MREG: variants seen among roughly 807,000 people sequenced by gnomAD.
The protein encoded by MREG is melanoregulin, also known as dilute suppressor protein homolog.
In MREG, 31 loss-of-function variants were observed where a neutral mutation model predicts 28.5. The observed-to-expected ratio is 1.09, with a 90% confidence interval of 0.82 to 1.47. The LOEUF (loss-of-function observed/expected upper bound fraction) is 1.47. Among genes scored for constraint, MREG ranks in the 40% most tolerant of loss-of-function variants. The pLI is 0.00. For missense variants in MREG, 256 were observed against 257.4 expected (o/e 0.99, Z 0.04); for synonymous variants, 106 against 95.2 (o/e 1.11, Z -0.66).
At chr2:216,015,518 G>A (rs1205178880), upstream of MREG, among the ~76,000 whole-genome samples, 2 of 152,178 alleles carry the variant, frequency 1.3e-5, no homozygotes, top group African/African-American at 4.8e-5. Context: ...TCTGGATTTT[G>A]CTCCACATGA....
intron 2 of MREG, among the ~76,000 whole-genome samples, chr2:215,971,652 A>C (rs1436132228): frequency 6.6e-6 from 1 of 152,234 alleles, no homozygotes; most frequent in East Asian, 1.9e-4. Context: ...ATAAGGTAGA[A>C]TATCCTGGAC....
rs1371742409 is a variant in MREG at position 216,031,681 on chromosome 2, A to AAG, written c.-68+1106_-68+1107dup. Among the ~76,000 whole-genome samples the AAG allele has an allele frequency of 6.5e-3, 743 of 114,934 alleles. 2 individuals are homozygous for AAG. Among genetic ancestry groups the AAG allele is most frequent in the Non-Finnish European group, 9.3e-3 (514 of 55,412 alleles). The allele number at this position is 114,934 out of a possible 152,430, so 75.4% of individuals were successfully genotyped here. A position where few individuals can be genotyped will look rare whatever the true frequency, so the allele number is the denominator to read the frequency against. On this transcript the variant is annotated intron_variant, in intron 1 of 3. Coordinates refer to the MREG transcript ENST00000420348. ...AAAGAAAGAAAGAAAGAAAGAAAGA[A>AAG]AGAAAGAAAGAGAAAGAAAGAAAGA...
At chr2:215,983,439 A>T (rs1693482373) in intron 2 of MREG, among the ~76,000 whole-genome samples, 1 of 152,182 alleles carries the variant, frequency 6.6e-6, no homozygotes, top group African/African-American at 2.4e-5. Flanking sequence ...TGTATTAGGG[A>T]TATGATAGGC....
chr2:216,015,635 G>A (rs114263443), upstream of MREG, among the ~76,000 whole-genome samples: 1,826 of 152,204 alleles, frequency 0.012, 34 homozygotes, highest in African/African-American at 0.042. Context: ...AAGTGTCAAG[G>A]GAGATGTATA....
chr2:215,995,505 C>CA (rs1693845536), intron 2 of MREG, among the ~76,000 whole-genome samples: 11 of 131,708 alleles, frequency 8.4e-5, no homozygotes, highest in African/African-American at 3.6e-4. Context: ...CCTCCACCCA[C>CA]CCCACCCCCC....
chr2:216,002,294 T>C (rs1332756833), intron 1 of MREG, among the ~76,000 whole-genome samples: 1 of 152,212 alleles, frequency 6.6e-6, no homozygotes, highest in Non-Finnish European at 1.5e-5. Context: ...TGTTTGTAAG[T>C]ACTAACTTCT....
chr2:215,996,960 T>G (rs1693891286), intron 1 of MREG, among the ~76,000 whole-genome samples: 1 of 152,154 alleles, frequency 6.6e-6, no homozygotes, highest in East Asian at 1.9e-4. Flanking sequence ...CTTTTATTTT[T>G]CATAAAGACA....
intron 2 of MREG, among the ~76,000 whole-genome samples, chr2:215,983,867 C>A (rs1261825729): frequency 1.3e-5 from 2 of 152,076 alleles, no homozygotes; most frequent in African/African-American, 2.4e-5. Context: ...TACTTAATAG[C>A]CTTAAAGGAT....
chr2:215,972,008 A>T (rs1254907572), intron 2 of MREG, among the ~76,000 whole-genome samples: 2 of 152,058 alleles, frequency 1.3e-5, no homozygotes, highest in Non-Finnish European at 2.9e-5. Context: ...CCAGGTGCTG[A>T]TTGCCAGCTC....
At chr2:215,954,445 A>AACACACCACACAC in intron 2 of MREG, among the ~76,000 whole-genome samples, 1 of 136,606 alleles carries the variant, frequency 7.3e-6, no homozygotes, top group Admixed American at 7.6e-5. Flanking sequence ...ATCTGTGTAC[A>AACACACCACACAC]ACACACACAC....
chr2:215,994,612 AAGAAGAAG>A (rs1382415903), intron 2 of MREG, among the ~76,000 whole-genome samples: 1 of 43,642 alleles, frequency 2.3e-5, no homozygotes, highest in Admixed American at 4.2e-4. Flanking sequence ...GAAGAAGAGG[AAGAAGAAG>A]AGAAGAAGGA....
intron 1 of MREG, among the ~76,000 whole-genome samples, chr2:216,003,410 GC>G (rs1694069986): frequency 6.6e-6 from 1 of 152,186 alleles, no homozygotes; most frequent in Non-Finnish European, 1.5e-5. Context: ...ACCCTGTGAA[GC>G]CAGCACTGTT....
intron 1 of MREG, among the ~76,000 whole-genome samples, chr2:215,997,803 T>C (rs1182266620): frequency 6.6e-6 from 1 of 152,070 alleles, no homozygotes; most frequent in Non-Finnish European, 1.5e-5. Context: ...GGAAACAGCA[T>C]CTTCAAAGGC....
At chr2:215,951,843 G>C (rs1692495969) in intron 2 of MREG, among the ~76,000 whole-genome samples, 1 of 152,180 alleles carries the variant, frequency 6.6e-6, no homozygotes. Context: ...TTGACCTTGA[G>C]TCCTGATTTA....
chr2:215,953,132 A>G (rs1443127690), intron 2 of MREG, among the ~76,000 whole-genome samples: 3 of 152,246 alleles, frequency 2.0e-5, no homozygotes, highest in Non-Finnish European at 4.4e-5. Flanking sequence ...GAAGAAACAA[A>G]GGGCATGAAC....
chr2:216,012,920 C>A (rs1314870334), intron 1 of MREG, among the ~76,000 whole-genome samples: 1 of 152,114 alleles, frequency 6.6e-6, no homozygotes, highest in East Asian at 1.9e-4. Context: ...TTTATCAGAC[C>A]CCTATGGAAA....
Position 215,996,306 on chromosome 2 carries a change from C to T in MREG, c.255G>A (p.Glu85=). Residue 85 remains glutamate (E), a splice_region_variant and synonymous_variant, in exon 2 of 5, where the codon GAG becomes GAA. Coordinates refer to ENST00000263268, the MANE Select transcript of MREG (RefSeq NM_018000.3). Reference sequence around the variant, plus strand: ...CAGCAAGACATCAAAAGGTGCTCACCTCTGAGTCTTTGGCCTGCTGATTAC... The same window carrying T: ...CAGCAAGACATCAAAAGGTGCTCACTTCTGAGTCTTTGGCCTGCTGATTAC... ...VIRNQQAKDS[E]EWQKLNYDIH... 6.2e-7 allele frequency: 1 copy of T among 1,613,136 alleles called. No individual in the cohort carries two copies. Among genetic ancestry groups the T allele is most frequent in the Non-Finnish European group, 8.5e-7 (1 of 1,179,652 alleles).
At chr2:215,999,481 A>C (rs1305806362) in intron 1 of MREG, among the ~76,000 whole-genome samples, 1 of 152,194 alleles carries the variant, frequency 6.6e-6, no homozygotes, top group Non-Finnish European at 1.5e-5. Flanking sequence ...TCTGGAAGAG[A>C]TAGAAAGAAG....
intron 1 of MREG, among the ~76,000 whole-genome samples, chr2:215,997,460 G>A (rs1352608474): frequency 2.0e-5 from 3 of 152,172 alleles, no homozygotes; most frequent in African/African-American, 7.2e-5. Flanking sequence ...AGGACTGGTA[G>A]GGTCATACAG....
Sources: gnomAD v4.1 joint callset for allele counts (sites outside exome capture counted in the v4.1 genomes callset) on GRCh38, gnomAD v4.1.1 for gene constraint, MANE v1.5 for transcripts, NCBI Gene and HGNC (gene_info 2026-07-23, HGNC 2026-07-21) for gene names.